The following ALG13 variants were observed in gnomAD, a reference collection of about 807,000 sequenced individuals.
ALG13 encodes the protein UDP-N-acetylglucosamine transferase subunit ALG13.
ALG13 carries 11 observed loss-of-function variants against 87.8 expected under a neutral mutation model. That is an observed-to-expected ratio of 0.13 (90% CI 0.08 to 0.21). ALG13 has a LOEUF of 0.21. ALG13 is among the 10% of genes least tolerant of loss of function. The pLI, the probability that ALG13 is intolerant of heterozygous loss-of-function variation, is 1.00. For synonymous variants in ALG13, 320 were observed against 306.3 expected, an observed-to-expected ratio of 1.04 and a Z score of -0.47; for missense variants, 756 against 866.1, an observed-to-expected ratio of 0.87 and a Z score of 1.60.
chrX:111,693,436 G>A (rs1423122005), intron 3 of ALG13, among the ~76,000 whole-genome samples: 1 of 108,773 alleles, frequency 9.2e-6, no homozygotes, highest in Non-Finnish European at 1.9e-5. Context: ...AGTAGAGACG[G>A]GGTTTTGCCA....
At chrX:111,738,862 G>A (rs1264041760) in intron 23 of ALG13, among the ~76,000 whole-genome samples, 3 of 105,227 alleles carry the variant, frequency 2.9e-5, no homozygotes, top group South Asian at 8.6e-4. Context: ...AAAAAAAAAT[G>A]TAAGAAGAGG....
At chrX:111,719,341 G>A (rs907253502) in intron 10 of ALG13, among the ~76,000 whole-genome samples, 2 of 111,396 alleles carry the variant, frequency 1.8e-5, no homozygotes, top group African/African-American at 6.5e-5. Context: ...GGTTTTTAAA[G>A]CTTATTTGGG....
intron 19 of ALG13, 136 bp downstream of exon 19, chrX:111,728,441 T>C (rs1942306623): frequency 2.0e-5 from 14 of 714,443 alleles, no homozygotes; most frequent in Non-Finnish European, 2.8e-5. Flanking sequence ...ATATAAGTTC[T>C]TAATGCTTGC....
intron 3 of ALG13, among the ~76,000 whole-genome samples, chrX:111,704,270 T>G (rs1378730803): frequency 9.0e-6 from 1 of 111,693 alleles, no homozygotes; most frequent in East Asian, 2.8e-4. Flanking sequence ...GAATGTAAAA[T>G]GGTGCAGTTG....
In ALG13 at chrX:111,726,968, C is replaced by T. The variant is rs973129600; in HGVS notation, c.1889C>T (p.Ser630Leu). The change falls in exon 16 of 27, where the codon TCA (serine) becomes TTA (leucine). Residue 630 changes from serine to leucine, a missense_variant. This residue lies in a region of ALG13 where 362 missense variants were observed against 383.5 expected (regional missense o/e 0.94). Coordinates refer to ENST00000394780, the MANE Select transcript of ALG13 (RefSeq NM_001099922.3). ...HYGHDPPMHY[S>L]QTAGNVMSNE... ...GGGCACGATCCTCCAATGCACTACTCACAGACAGCTGGCAATGTTATGTCT... is the reference window on the plus strand; with the variant it reads ...GGGCACGATCCTCCAATGCACTACTTACAGACAGCTGGCAATGTTATGTCT... The T allele has an allele frequency of 3.3e-6, 4 of 1,209,711 alleles. 1 individual carries two copies. The highest frequency in any genetic ancestry group is 2.3e-4 in the Middle Eastern group (1 of 4,370).
chrX:111,705,504 T>A (rs1193196829), intron 3 of ALG13, among the ~76,000 whole-genome samples: 2 of 111,862 alleles, frequency 1.8e-5, no homozygotes, highest in African/African-American at 6.5e-5. Context: ...TAATTTTTTT[T>A]TCTATTATGT....
At chrX:111,738,860 A>AG (rs1943492941) in intron 23 of ALG13, among the ~76,000 whole-genome samples, 1 of 110,623 alleles carries the variant, frequency 9.0e-6, no homozygotes, top group African/African-American at 3.3e-5. Flanking sequence ...AAAAAAAAAA[A>AG]TGTAAGAAGA....
At chrX:111,725,656 T>C (rs1025483230) in intron 15 of ALG13, among the ~76,000 whole-genome samples, 1 of 111,689 alleles carries the variant, frequency 9.0e-6, no homozygotes. Context: ...GTGATAGATA[T>C]CCCAGTTACC....
intron 3 of ALG13, among the ~76,000 whole-genome samples, chrX:111,692,988 G>A (rs752587695): frequency 1.3e-4 from 14 of 109,227 alleles, no homozygotes; most frequent in African/African-American, 1.7e-4. Flanking sequence ...GCCATGTTGC[G>A]CAGGCTGGTC....
rs767995349 is a variant in ALG13 at position 111,695,695 on chromosome X, C to T, written c.383+10592C>T. Among the ~76,000 whole-genome samples, 21 of 111,277 alleles carry T rather than the reference C, an allele frequency of 1.9e-4. No individual in the cohort carries two copies. The East Asian group carries it at 2.0e-3, about 10-fold the overall frequency. On this transcript the variant is annotated intron_variant, in intron 3 of 26. Coordinates refer to ENST00000394780, the MANE Select transcript of ALG13 (RefSeq NM_001099922.3). ...TTGATAATATTTTATTTTGCAATTCCGAAGAAGGATTACTTCTTTGGGAAA... is the reference window on the plus strand; with the variant it reads ...TTGATAATATTTTATTTTGCAATTCTGAAGAAGGATTACTTCTTTGGGAAA...
chrX:111,709,369 A>G (rs1032555835), intron 5 of ALG13, among the ~76,000 whole-genome samples: 3 of 112,615 alleles, frequency 2.7e-5, no homozygotes, highest in African/African-American at 9.7e-5. Flanking sequence ...TTGAACAATT[A>G]ATAATAGTTC....
chrX:111,759,710 G>A, intron 26 of ALG13, 24 bp from the exon 27 acceptor site: 1 of 1,171,938 alleles, frequency 8.5e-7, no homozygotes, highest in Non-Finnish European at 1.1e-6. Context: ...ATATAAAGTA[G>A]ACTGTATACA....
rs751943979 is a variant in ALG13, at chrX:111,754,023, A to G, written c.2973+1193A>G. On this transcript the variant is annotated intron_variant, in intron 25 of 26. Transcript: ENST00000394780. ...GATGAACATCGATGTGAAAATCCTCAATAAAATACTGGCAAACCGAATCCA... is the reference window on the plus strand; with the variant it reads ...GATGAACATCGATGTGAAAATCCTCGATAAAATACTGGCAAACCGAATCCA... Among the ~76,000 whole-genome samples, 3 of 112,034 alleles carry G rather than the reference A, an allele frequency of 2.7e-5. No homozygotes were observed. In the East Asian group the frequency reaches 8.4e-4, roughly 31 times the overall value.
intron 25 of ALG13, among the ~76,000 whole-genome samples, chrX:111,757,004 T>A (rs1009675795): frequency 4.5e-5 from 5 of 112,063 alleles, no homozygotes; most frequent in African/African-American, 1.6e-4. Flanking sequence ...GCTGAATAGA[T>A]ATTTCAGTAT....
chrX:111,726,892 G>A lies in ALG13; in HGVS notation c.1813G>A (p.Gly605Ser), dbSNP rs773666398. The change falls in exon 16 of 27, where the codon GGC becomes AGC. Residue 605 changes from glycine to serine, a missense_variant. Physicochemically the swap from Gly to Ser is moderately conservative, Grantham distance 56 (BLOSUM62 0). Transcript: ENST00000394780. ...AGAAGTTTACATGACTATGGCTTAC[G>A]GCAAGGGAGACCCCCTCCTCCCACC... The part of the protein sequence containing the change: ...GKEVYMTMAY[G>S]KGDPLLPPRL... 1.2e-5 allele frequency: 15 copies of A among 1,208,979 alleles called. No homozygotes were observed. In the Admixed American group the frequency reaches 1.5e-4, roughly 12 times the overall value.
intron 3 of ALG13, among the ~76,000 whole-genome samples, chrX:111,686,382 C>T (rs1381563578): frequency 1.8e-5 from 2 of 112,409 alleles, no homozygotes; most frequent in Non-Finnish European, 3.8e-5. Flanking sequence ...CTCTTAGGCA[C>T]TCAGTAAATA....
intron 3 of ALG13, among the ~76,000 whole-genome samples, chrX:111,696,977 C>G: frequency 1.3e-5 from 1 of 78,133 alleles, no homozygotes; most frequent in South Asian, 5.8e-4. Context: ...TGCTCTGGTT[C>G]TTACCTTTTT....
chrX:111,731,613 C>T (rs1373340448), intron 21 of ALG13, among the ~76,000 whole-genome samples: 1 of 111,845 alleles, frequency 8.9e-6, no homozygotes, highest in Non-Finnish European at 1.9e-5. Context: ...AGATTGGAGG[C>T]CCAAGGGTGG....
intron 3 of ALG13, among the ~76,000 whole-genome samples, chrX:111,701,873 C>G (rs766482404): frequency 9.0e-6 from 1 of 111,200 alleles, no homozygotes; most frequent in Admixed American, 9.5e-5. Context: ...TTTCCATTTT[C>G]ATTTGTCTCA....
Sources: gnomAD v4.1 joint callset for allele counts (sites outside exome capture counted in the v4.1 genomes callset) on GRCh38, gnomAD v4.1.1 for gene constraint, gnomAD v4.1.1 regional missense constraint, MANE v1.5 for transcripts, NCBI Gene and HGNC (gene_info 2026-07-23, HGNC 2026-07-21) for gene names.